TNFRSF21: variants seen among roughly 807,000 people sequenced by gnomAD.
TNFRSF21 encodes tumor necrosis factor receptor superfamily member 21.
In TNFRSF21, 19 loss-of-function variants were observed where a neutral mutation model predicts 45.6. That is an observed-to-expected ratio of 0.42 (90% CI 0.29 to 0.61). The LOEUF (loss-of-function observed/expected upper bound fraction) is 0.61, where lower values mean the gene tolerates loss of function less well. Ranked by LOEUF, TNFRSF21 falls within the 20% of genes least tolerant of loss-of-function variation. The pLI is 0.23. For synonymous variants in TNFRSF21, 314 were observed against 335.5 expected (o/e 0.94, Z 0.70); for missense variants, 737 against 851.5 (o/e 0.87, Z 1.67).
At chr6:47,291,088 T>C (rs1216140057) in intron 1 of TNFRSF21, among the ~76,000 whole-genome samples, 1 of 152,214 alleles carries the variant, frequency 6.6e-6, no homozygotes, top group Admixed American at 6.5e-5. Context: ...CTCTTAAGGA[T>C]GGAGAGGCAG....
chr6:47,281,632 C>T lies in TNFRSF21; in HGVS notation c.1243+2306G>A, dbSNP rs1262428908. Among the ~76,000 whole-genome samples, 6 of 152,224 alleles carry T rather than the reference C, an allele frequency of 3.9e-5. No homozygotes were observed. In the East Asian group the frequency reaches 5.8e-4, roughly 15 times the overall value. ...CTGACCTCAGTTGATCTGCATGCCT[C>T]GGCCTCCCAAAGTGCTGGGATTACA... On this transcript the variant is annotated intron_variant, in intron 3 of 5. Transcript: ENST00000296861.
intron 4 of TNFRSF21, among the ~76,000 whole-genome samples, chr6:47,251,300 T>C (rs1417118474): frequency 6.6e-6 from 1 of 152,188 alleles, no homozygotes; most frequent in Non-Finnish European, 1.5e-5. Context: ...ACTCAAAGGC[T>C]ATAGCAGAAC....
intron 3 of TNFRSF21, among the ~76,000 whole-genome samples, chr6:47,275,580 C>A (rs563323969): frequency 9.1e-4 from 138 of 152,126 alleles, no homozygotes; most frequent in African/African-American, 3.2e-3. Context: ...GTGCAGCAAA[C>A]CAACATGGCA....
At position 47,231,905 on chromosome 6, in the gene TNFRSF21, C is replaced by G. The variant is rs1179067727; in HGVS notation, c.*860G>C. 6.6e-6 allele frequency: 1 copy of G among 152,632 alleles called. No homozygotes were observed. The highest frequency in any genetic ancestry group is 2.4e-5 in the African/African-American group (1 of 41,448). 9.5% of individuals were successfully genotyped at this position (152,632 alleles called of 1,614,324 possible). A position where few individuals can be genotyped will look rare whatever the true frequency, so the allele number is the denominator to read the frequency against. ...GCCACTGGCACTTGATTTTGACTTT[C>G]CAAAGTGCAGCAATGTGTTCCAGAA... On this transcript the variant is annotated 3_prime_UTR_variant, in exon 6 of 6. Coordinates refer to ENST00000296861, the MANE Select transcript of TNFRSF21 (RefSeq NM_014452.5).
At chr6:47,283,034 G>A (rs9473052) in intron 3 of TNFRSF21, among the ~76,000 whole-genome samples, 6,064 of 152,190 alleles carry the variant, frequency 0.04, 373 homozygotes, top group African/African-American at 0.14. Context: ...ATATTTGTAA[G>A]ACCCCAAAAA....
At chr6:47,247,446 T>G (rs1009818858) in intron 4 of TNFRSF21, among the ~76,000 whole-genome samples, 5 of 152,212 alleles carry the variant, frequency 3.3e-5, no homozygotes, top group African/African-American at 1.2e-4. Context: ...AGATGACAAA[T>G]TGGAAAATTA....
At chr6:47,295,792 T>C (rs1762782549) in intron 1 of TNFRSF21, among the ~76,000 whole-genome samples, 1 of 93,466 alleles carries the variant, frequency 1.1e-5, no homozygotes, top group African/African-American at 4.4e-5. Context: ...TTTCCTACTA[T>C]CCTCTCTGAT....
At chr6:47,257,284 C>T (rs1225839463) in intron 3 of TNFRSF21, among the ~76,000 whole-genome samples, 2 of 151,970 alleles carry the variant, frequency 1.3e-5, no homozygotes, top group Non-Finnish European at 2.9e-5. Flanking sequence ...CTAAAATGGA[C>T]TGGAAGCTAA....
chr6:47,308,186 CTCTT>C (rs1762966617), intron 1 of TNFRSF21, among the ~76,000 whole-genome samples: 1 of 152,214 alleles, frequency 6.6e-6, no homozygotes, highest in Admixed American at 6.5e-5. Context: ...TTTAGTCTCT[CTCTT>C]CCTCTTAAAA....
Position 47,266,190 on chromosome 6 carries a change from G to A in TNFRSF21, c.1244-12669C>T, listed in dbSNP as rs565390858. On this transcript the variant is annotated intron_variant, in intron 3 of 5. Coordinates refer to ENST00000296861, the MANE Select transcript of TNFRSF21 (RefSeq NM_014452.5). ...CTGCTTACCCTAGAAAGAGGGAGAAGTCTGCAGGGTTGAGAGTCTGGGAGA... is the reference window on the plus strand; with the variant it reads ...CTGCTTACCCTAGAAAGAGGGAGAAATCTGCAGGGTTGAGAGTCTGGGAGA... 7.7e-4 allele frequency among the ~76,000 whole-genome samples: 117 copies of A among 152,296 alleles called. 3 individuals are homozygous for A. In the South Asian group the frequency reaches 0.023, roughly 30 times the overall value.
intron 1 of TNFRSF21, among the ~76,000 whole-genome samples, chr6:47,307,639 G>C (rs1762958291): frequency 6.6e-6 from 1 of 152,194 alleles, no homozygotes; most frequent in African/African-American, 2.4e-5. Flanking sequence ...CGCCCAAAAC[G>C]CTGGGATTAC....
intron 5 of TNFRSF21, among the ~76,000 whole-genome samples, chr6:47,233,236 G>A (rs979701529): frequency 6.6e-6 from 1 of 152,192 alleles, no homozygotes; most frequent in Non-Finnish European, 1.5e-5. Flanking sequence ...GATCAGACAA[G>A]GTCTTGCTTG....
At chr6:47,260,371 A>G (rs1474965267) in intron 3 of TNFRSF21, among the ~76,000 whole-genome samples, 1 of 152,176 alleles carries the variant, frequency 6.6e-6, no homozygotes, top group Admixed American at 6.5e-5. Context: ...GCTGGTACTG[A>G]CTTGATCCCC....
At position 47,286,597 on chromosome 6, in the gene TNFRSF21, T is replaced by C. The variant is rs1483391688; in HGVS notation, c.97-2A>G. The C allele has an allele frequency of 6.3e-7, 1 of 1,592,482 alleles. No individual in the cohort carries two copies. Among genetic ancestry groups the C allele is most frequent in the Non-Finnish European group, 8.6e-7 (1 of 1,164,864 alleles). ...TGTGGTGGTGCTAAGGAATCCAAGC[T>C]GAAAGAAACAGAAGGGGAGGGAAAG... On this transcript the variant is annotated splice_acceptor_variant, in intron 1 of 5. Transcript: ENST00000296861. LOFTEE classifies it high-confidence loss of function.
chr6:47,249,093 C>T (rs1037535165), intron 4 of TNFRSF21, among the ~76,000 whole-genome samples: 1 of 152,194 alleles, frequency 6.6e-6, no homozygotes, highest in Non-Finnish European at 1.5e-5. Flanking sequence ...TAATCGGAGC[C>T]TTACTGGCTG....
At chr6:47,275,446 C>T (rs1436803276) in intron 3 of TNFRSF21, among the ~76,000 whole-genome samples, 5 of 152,036 alleles carry the variant, frequency 3.3e-5, no homozygotes, top group Admixed American at 1.3e-4. Context: ...TAGGTGGGAA[C>T]TGAACAACGA....
At chr6:47,254,572 A>G (rs538430404) in intron 3 of TNFRSF21, among the ~76,000 whole-genome samples, 4 of 152,300 alleles carry the variant, frequency 2.6e-5, no homozygotes, top group African/African-American at 7.2e-5. Context: ...AATGGACTTT[A>G]CCCAGAACTG....
At chr6:47,296,010 C>T (rs1043955039) in intron 1 of TNFRSF21, among the ~76,000 whole-genome samples, 7 of 152,162 alleles carry the variant, frequency 4.6e-5, no homozygotes, top group African/African-American at 1.4e-4. Context: ...CGTGTACACT[C>T]AGCAGCACTC....
chr6:47,253,071 C>T (rs1272506358), intron 4 of TNFRSF21, among the ~76,000 whole-genome samples, 185 bp downstream of exon 4: 1 of 151,808 alleles, frequency 6.6e-6, no homozygotes, highest in African/African-American at 2.4e-5. Flanking sequence ...TTCTAATAGA[C>T]GGCCACTGAG....
Sources: allele counts gnomAD v4.1 joint callset (sites outside exome capture counted in the v4.1 genomes callset), GRCh38; gene constraint gnomAD v4.1.1; transcripts MANE v1.5; gene names NCBI Gene and HGNC (gene_info 2026-07-23, HGNC 2026-07-21).